Variants in TUBGCP5 observed in about 807,000 individuals in gnomAD.
TUBGCP5 encodes gamma-tubulin complex component 5.
A neutral mutation model predicts 134.7 loss-of-function variants in TUBGCP5; 98 were observed. The ratio of observed to expected loss-of-function variants is 0.73; its 90% confidence interval spans 0.62 to 0.86. TUBGCP5 has a LOEUF of 0.86. TUBGCP5 is among the 40% of genes least tolerant of loss of function. TUBGCP5 has a pLI of 0.00. For missense variants in TUBGCP5, 1,150 were observed against 1,244.8 expected (o/e 0.92, Z 1.15); for synonymous variants, 456 against 431.4 (o/e 1.06, Z -0.71).
intron 21 of TUBGCP5, 93 bp from the exon 22 acceptor site, chr15:23,000,762 G>A: frequency 5.7e-5 from 53 of 924,198 alleles, no homozygotes; most frequent in South Asian, 3.5e-4. Context: ...AATGTATTTT[G>A]GTTTAATTAT....
downstream of TUBGCP5, chr15:22,999,116 A>G (rs2064228273): frequency 6.6e-6 from 1 of 152,198 alleles, no homozygotes; most frequent in Non-Finnish European, 1.5e-5. Flanking sequence ...GGAAGACAAC[A>G]TGTAAAACTC....
chr15:23,032,720 T>C lies in TUBGCP5; in HGVS notation c.406+8A>G, dbSNP rs370750452. On this transcript the variant is annotated splice_region_variant and intron_variant, in intron 4 of 22. Transcript: ENST00000615383. ...ACTTCTCATATGTTAAGGAATCTAG[T>C]AACATACCCACTTCTTTATTTCTTG... 9 of 1,547,684 alleles carry C rather than the reference T, an allele frequency of 5.8e-6. No individual in the cohort carries two copies. Among genetic ancestry groups the C allele is most frequent in the African/African-American group, 1.4e-5 (1 of 72,168 alleles).
At chr15:23,006,003 G>T in intron 18 of TUBGCP5, 49 bp downstream of exon 18, 28 of 1,539,496 alleles carry the variant, frequency 1.8e-5, no homozygotes, top group Non-Finnish European at 2.4e-5. Context: ...TTTTATTAAG[G>T]GCTAAAATTA....
intron 23 of TUBGCP5, among the ~76,000 whole-genome samples, chr15:22,992,103 T>C (rs1422873946): frequency 6.6e-6 from 1 of 152,150 alleles, no homozygotes; most frequent in Non-Finnish European, 1.5e-5. Context: ...TGAGAAGAAT[T>C]GCAGTCGTAC....
rs1308543923 is a variant in TUBGCP5 at position 22,986,273 on chromosome 15, GA to G, written c.*62-2663del. On this transcript the variant is annotated intron_variant and NMD_transcript_variant, in intron 23 of 23. Coordinates refer to the TUBGCP5 transcript ENST00000614508. ...GTGCCACTATGGAAAACAATATGATGAAAAAAGTTTTTAAAAGGGGAAGAAA... is the reference window on the plus strand; with the variant it reads ...GTGCCACTATGGAAAACAATATGATGAAAAAGTTTTTAAAAGGGGAAGAAA... Among the ~76,000 whole-genome samples the G allele has an allele frequency of 4.6e-5, 7 of 152,030 alleles. 1 individual carries two copies. The South Asian group carries it at 8.3e-4, about 18-fold the overall frequency.
intron 23 of TUBGCP5, among the ~76,000 whole-genome samples, chr15:22,985,536 C>T (rs886087548): frequency 6.6e-5 from 10 of 151,980 alleles, no homozygotes; most frequent in African/African-American, 2.4e-4. Context: ...AATATTCTTA[C>T]CAGCTTATTT....
At chr15:23,014,345 G>A (rs1284730992) in intron 13 of TUBGCP5, among the ~76,000 whole-genome samples, 1 of 152,194 alleles carries the variant, frequency 6.6e-6, no homozygotes, top group Non-Finnish European at 1.5e-5. Context: ...CGGCATCTTT[G>A]GTTGGAGAAG....
chr15:23,026,924 CTT>C (rs1321898202), intron 7 of TUBGCP5, among the ~76,000 whole-genome samples: 1 of 152,006 alleles, frequency 6.6e-6, no homozygotes, highest in East Asian at 1.9e-4. Flanking sequence ...CAGAGCGAGA[CTT>C]TGTCTCCCCC....
intron 23 of TUBGCP5, among the ~76,000 whole-genome samples, chr15:22,983,953 C>T (rs2063606769): frequency 6.6e-6 from 1 of 152,022 alleles, no homozygotes; most frequent in Admixed American, 6.6e-5. Flanking sequence ...AAAACCCCCT[C>T]TCTACAAAAT....
chr15:22,999,934 A>G (rs2064273193), intron 22 of TUBGCP5, 68 bp from the exon 23 acceptor site: 1 of 1,412,624 alleles, frequency 7.1e-7, no homozygotes, highest in Admixed American at 1.7e-5. Context: ...TTTTTTGAAG[A>G]CGGAGTCCCA....
intron 22 of TUBGCP5, among the ~76,000 whole-genome samples, chr15:23,000,108 G>C (rs1218691309): frequency 6.6e-6 from 1 of 151,862 alleles, no homozygotes; most frequent in Non-Finnish European, 1.5e-5. Flanking sequence ...ACAGGGTTTT[G>C]CCATGTAGGC....
intron 23 of TUBGCP5, among the ~76,000 whole-genome samples, chr15:22,986,350 TAATTTTCCACACACA>T (rs2063681041): frequency 6.6e-6 from 1 of 152,054 alleles, no homozygotes. Context: ...AACTATTCTG[TAATTTTCCACACACA>T]AAAGACCATG....
intron 13 of TUBGCP5, among the ~76,000 whole-genome samples, chr15:23,016,687 C>T (rs183758861): frequency 6.6e-6 from 1 of 151,914 alleles, no homozygotes; most frequent in Admixed American, 6.6e-5. Flanking sequence ...AAAATAAATG[C>T]TGGTGAGGAT....
chr15:23,002,488 C>T (rs766833626), intron 21 of TUBGCP5, among the ~76,000 whole-genome samples: 1 of 152,314 alleles, frequency 6.6e-6, no homozygotes, highest in East Asian at 1.9e-4. Flanking sequence ...GAGGGAGCTG[C>T]TCCCGGGCCA....
chr15:23,010,659 G>A (rs1049894640), intron 14 of TUBGCP5, among the ~76,000 whole-genome samples: 3 of 152,086 alleles, frequency 2.0e-5, no homozygotes, highest in African/African-American at 7.2e-5. Flanking sequence ...TGAAGTAGGT[G>A]AGCACAACAT....
intron 3 of TUBGCP5, among the ~76,000 whole-genome samples, chr15:23,033,827 C>A (rs1047742310): frequency 1.3e-5 from 2 of 152,108 alleles, no homozygotes; most frequent in African/African-American, 4.8e-5. Context: ...AGGCACTTTT[C>A]CATAAGCTTA....
intron 23 of TUBGCP5, among the ~76,000 whole-genome samples, chr15:22,990,434 T>G (rs2063812644): frequency 6.6e-6 from 1 of 152,144 alleles, no homozygotes; most frequent in African/African-American, 2.4e-5. Context: ...TCTGTGAGCA[T>G]CCACCTTCCA....
At chr15:23,037,988 T>C (rs371024180) in intron 1 of TUBGCP5, among the ~76,000 whole-genome samples, 23 of 152,272 alleles carry the variant, frequency 1.5e-4, no homozygotes, top group African/African-American at 5.3e-4. Flanking sequence ...ATAGTCTCGA[T>C]CTCCTGACCT....
intron 3 of TUBGCP5, 86 bp downstream of exon 3, chr15:23,036,811 G>A: frequency 1.0e-6 from 1 of 961,848 alleles, no homozygotes; most frequent in Non-Finnish European, 1.6e-6. Flanking sequence ...AAAATAGAAT[G>A]TTTAAACAGT....
Sources: allele counts gnomAD v4.1 joint callset (sites outside exome capture counted in the v4.1 genomes callset), GRCh38; gene constraint gnomAD v4.1.1; transcripts MANE v1.5; gene names NCBI Gene and HGNC (gene_info 2026-07-23, HGNC 2026-07-21).